Variants in SHROOM4 observed in about 807,000 individuals in gnomAD.
The protein encoded by SHROOM4 is shroom family member 4.
SHROOM4 carries 17 observed loss-of-function variants against 80.3 expected under a neutral mutation model. The observed-to-expected ratio is 0.21, with a 90% CI of 0.14 to 0.32. SHROOM4 has a LOEUF of 0.32. Among genes scored for constraint, SHROOM4 ranks in the 10% least tolerant of loss-of-function variants. The pLI is 1.00. For missense variants in SHROOM4, 993 were observed against 1,140.3 expected, an observed-to-expected ratio of 0.87 and a Z score of 1.86; for synonymous variants, 400 against 437.5, an observed-to-expected ratio of 0.91 and a Z score of 1.07.
At chrX:50,700,358 C>T (rs1208671933) in intron 1 of SHROOM4, among the ~76,000 whole-genome samples, 10 of 111,677 alleles carry the variant, frequency 9.0e-5, no homozygotes, top group Non-Finnish European at 1.3e-4. Flanking sequence ...TCCAGGCATC[C>T]GTTCATCAAT....
intron 1 of SHROOM4, among the ~76,000 whole-genome samples, chrX:50,737,765 A>C (rs1934532037): frequency 8.9e-6 from 1 of 111,873 alleles, no homozygotes; most frequent in African/African-American, 3.2e-5. Context: ...AGGAGCTGGT[A>C]CCATTCCTTC....
chrX:50,788,468 G>C (rs781850301), intron 1 of SHROOM4, among the ~76,000 whole-genome samples: 1 of 110,694 alleles, frequency 9.0e-6, no homozygotes, highest in African/African-American at 3.3e-5. Context: ...TTAGCCGGGC[G>C]TGGTGGCGGG....
At chrX:50,582,815 CAA>C (rs782778789), downstream of SHROOM4, among the ~76,000 whole-genome samples, 11 of 111,246 alleles carry the variant, frequency 9.9e-5, no homozygotes, top group African/African-American at 3.6e-4. Flanking sequence ...TTAAAGTTTT[CAA>C]AGACTGTCTC....
chrX:50,737,219 T>C (rs1431297803), intron 1 of SHROOM4, among the ~76,000 whole-genome samples: 5 of 110,680 alleles, frequency 4.5e-5, no homozygotes, highest in African/African-American at 9.9e-5. Flanking sequence ...AACTTGAAAA[T>C]AGTTGAAAAT....
intron 1 of SHROOM4, among the ~76,000 whole-genome samples, chrX:50,793,305 A>T (rs1345574962): frequency 2.7e-5 from 3 of 110,088 alleles, no homozygotes; most frequent in Non-Finnish European, 3.8e-5. Context: ...GGGAGTTGCT[A>T]TTCAAGGGGT....
chrX:50,658,455 T>C (rs1932386074), intron 2 of SHROOM4, among the ~76,000 whole-genome samples: 2 of 111,652 alleles, frequency 1.8e-5, no homozygotes, highest in South Asian at 7.5e-4. Flanking sequence ...AACTATAGCA[T>C]TCATTTTGTA....
At chrX:50,602,433 A>G (rs1929471031) in intron 7 of SHROOM4, among the ~76,000 whole-genome samples, 200 bp downstream of exon 7, 1 of 111,153 alleles carries the variant, frequency 9.0e-6, no homozygotes, top group Non-Finnish European at 1.9e-5. Flanking sequence ...AATAATGATG[A>G]TTATGATTGT....
chrX:50,793,835 T>A (rs1935903816), intron 1 of SHROOM4, among the ~76,000 whole-genome samples: 2 of 110,260 alleles, frequency 1.8e-5, no homozygotes, highest in Non-Finnish European at 3.8e-5. Context: ...CTTTCAATAG[T>A]TAAAAACTAA....
intron 1 of SHROOM4, among the ~76,000 whole-genome samples, chrX:50,731,621 A>G (rs1934373219): frequency 9.0e-6 from 1 of 111,628 alleles, no homozygotes; most frequent in Non-Finnish European, 1.9e-5. Context: ...CAGAAAAGGC[A>G]AACCAAGAGG....
intron 1 of SHROOM4, among the ~76,000 whole-genome samples, chrX:50,729,187 C>T (rs1413810528): frequency 9.0e-6 from 1 of 111,695 alleles, no homozygotes; most frequent in Non-Finnish European, 1.9e-5. Flanking sequence ...CTGCTTTTGA[C>T]AGAGTCCAAA....
In SHROOM4 at chrX:50,634,686, G is replaced by A. The variant is rs147607307; in HGVS notation, c.1387C>T (p.Pro463Ser). 3.3e-6 allele frequency: 4 copies of A among 1,211,754 alleles called. No individual in the cohort carries two copies. Among genetic ancestry groups the A allele is most frequent in the African/African-American group, 1.7e-5 (1 of 57,749 alleles). Residue 463 changes from proline to serine, a missense_variant, in exon 4 of 9, where the codon CCT becomes TCT. Pro to Ser is a moderately conservative substitution (Grantham distance 74, BLOSUM62 -1). Transcript: ENST00000376020. ...SHKGKKSPCP[P>S]TGGTHDQSSK... ...GACTGGTCATGGGTTCCTCCTGTAG[G>A]GGGGCATGGACTTTTCTTCCCTTTG...
intron 5 of SHROOM4, among the ~76,000 whole-genome samples, chrX:50,611,051 T>C (rs1267673896): frequency 1.8e-5 from 2 of 110,857 alleles, no homozygotes; most frequent in East Asian, 5.6e-4. Flanking sequence ...TTTAATTGGC[T>C]ATATACTGAG....
chrX:50,597,997 C>A (rs1929198934), intron 8 of SHROOM4, among the ~76,000 whole-genome samples: 1 of 110,926 alleles, frequency 9.0e-6, no homozygotes, highest in African/African-American at 3.3e-5. Context: ...CGCCACCCTG[C>A]CAGACTAATT....
At chrX:50,628,244 C>A (rs375666591) in intron 4 of SHROOM4, among the ~76,000 whole-genome samples, 5 of 111,309 alleles carry the variant, frequency 4.5e-5, no homozygotes, top group African/African-American at 1.6e-4. Context: ...CTGGCAGGGG[C>A]TGAGGTGGGC....
intron 1 of SHROOM4, among the ~76,000 whole-genome samples, chrX:50,741,520 A>C (rs1602479102): frequency 9.0e-6 from 1 of 111,197 alleles, no homozygotes. Flanking sequence ...ATATATGAAA[A>C]CATCACATTA....
At chrX:50,693,033 T>G (rs1188957853) in intron 2 of SHROOM4, among the ~76,000 whole-genome samples, 1 of 111,403 alleles carries the variant, frequency 9.0e-6, no homozygotes, top group Non-Finnish European at 1.9e-5. Context: ...CTGACACATT[T>G]AAGTATAAAT....
chrX:50,683,043 C>T (rs782771527), intron 2 of SHROOM4, among the ~76,000 whole-genome samples: 5 of 111,381 alleles, frequency 4.5e-5, no homozygotes, highest in Admixed American at 9.5e-5. Flanking sequence ...TTCCTGCCCT[C>T]GAACATCAGA....
chrX:50,596,159 T>A lies in SHROOM4; in HGVS notation c.*536A>T. 1 of 330,110 alleles carries A rather than the reference T, an allele frequency of 3.0e-6. No homozygotes were observed. 27.2% of individuals were successfully genotyped at this position (330,110 alleles called of 1,213,427 possible). A position where few individuals can be genotyped will look rare whatever the true frequency, so the allele number is the denominator to read the frequency against. ...GGGGTACTCAACCTTTGCTTGCATT[T>A]TTTTCAGTGTAATTCCTCCCTCTGT... On this transcript the variant is annotated 3_prime_UTR_variant, in exon 9 of 9. Transcript: ENST00000376020.
At chrX:50,812,812 C>A (rs782807121) in intron 1 of SHROOM4, among the ~76,000 whole-genome samples, 1 of 112,167 alleles carries the variant, frequency 8.9e-6, no homozygotes, top group East Asian at 2.8e-4. Flanking sequence ...TATCTCCAGC[C>A]TGAACCCACA....
Sources: allele counts gnomAD v4.1 joint callset (sites outside exome capture counted in the v4.1 genomes callset), GRCh38; gene constraint gnomAD v4.1.1; transcripts MANE v1.5; gene names NCBI Gene and HGNC (gene_info 2026-07-23, HGNC 2026-07-21).